SLC24A3: variants seen among roughly 807,000 people sequenced by gnomAD.
SLC24A3 encodes the protein solute carrier family 24 member 3, also known as sodium/potassium/calcium exchanger 3.
Under a neutral mutation model 75.8 loss-of-function variants are expected in SLC24A3, and 28 were observed. That is an observed-to-expected ratio of 0.37 (90% confidence interval 0.27 to 0.51). SLC24A3 has a LOEUF of 0.51. SLC24A3 is among the 20% of genes least tolerant of loss of function. SLC24A3 has a pLI of 0.94. For synonymous variants in SLC24A3, 372 were observed against 334.1 expected (o/e 1.11, Z -1.24); for missense variants, 663 against 847.8 (o/e 0.78, Z 2.71).
intron 2 of SLC24A3, among the ~76,000 whole-genome samples, chr20:19,350,838 G>T (rs1475803871): frequency 6.6e-6 from 1 of 152,168 alleles, no homozygotes; most frequent in African/African-American, 2.4e-5. Flanking sequence ...AGACCGTGCT[G>T]TTTCTCATCC....
intron 2 of SLC24A3, among the ~76,000 whole-genome samples, chr20:19,338,080 A>C (rs1985178794): frequency 6.6e-6 from 1 of 152,188 alleles, no homozygotes. Flanking sequence ...GGGAAGAAAA[A>C]AATGTTGTAA....
intron 2 of SLC24A3, among the ~76,000 whole-genome samples, chr20:19,300,485 G>A (rs951983211): frequency 6.6e-6 from 1 of 152,180 alleles, no homozygotes; most frequent in Non-Finnish European, 1.5e-5. Flanking sequence ...CTACCTAACT[G>A]AGGCTAGTCA....
chr20:19,378,483 C>G (rs181537584), intron 2 of SLC24A3, among the ~76,000 whole-genome samples: 362 of 152,236 alleles, frequency 2.4e-3, no homozygotes, highest in African/African-American at 8.3e-3. Flanking sequence ...GAATTGGGTC[C>G]ACATGGTTGG....
At chr20:19,712,296 G>T (rs866385684) in intron 15 of SLC24A3, among the ~76,000 whole-genome samples, 14 of 152,074 alleles carry the variant, frequency 9.2e-5, no homozygotes, top group African/African-American at 3.1e-4. Context: ...GGGACTGGAG[G>T]GGTGAGGGAA....
At chr20:19,646,841 CTGTGTGTGTGCGTG>C in intron 6 of SLC24A3, among the ~76,000 whole-genome samples, 1 of 144,686 alleles carries the variant, frequency 6.9e-6, no homozygotes, top group East Asian at 2.1e-4. Flanking sequence ...TTACAAAACT[CTGTGTGTGTGCGTG>C]TGTGTGTGTG....
chr20:19,546,629 G>A (rs142556857), intron 3 of SLC24A3, among the ~76,000 whole-genome samples: 34 of 152,304 alleles, frequency 2.2e-4, no homozygotes, highest in Admixed American at 6.5e-4. Flanking sequence ...GGGAAAGGGG[G>A]TGGGGGGCAG....
At chr20:19,263,033 T>TTGTGTGTGTG (rs11473481) in intron 1 of SLC24A3, among the ~76,000 whole-genome samples, 3,445 of 143,184 alleles carry the variant, frequency 0.024, 80 homozygotes, top group Non-Finnish European at 0.035. Flanking sequence ...ACTCCAGCCT[T>TTGTGTGTGTG]TGTGTGTGTG....
intron 2 of SLC24A3, among the ~76,000 whole-genome samples, chr20:19,372,250 A>G (rs566707626): frequency 6.6e-6 from 1 of 152,196 alleles, no homozygotes; most frequent in South Asian, 2.1e-4. Flanking sequence ...TTTGTTTGGA[A>G]TCTTCTAACT....
intron 3 of SLC24A3, among the ~76,000 whole-genome samples, chr20:19,552,395 G>A (rs972129372): frequency 3.4e-4 from 52 of 152,188 alleles, no homozygotes; most frequent in African/African-American, 1.2e-3. Context: ...ACCAGCAAAT[G>A]CATTCTGCTG....
chr20:19,519,800 T>C (rs962342138), intron 3 of SLC24A3, among the ~76,000 whole-genome samples: 24 of 152,346 alleles, frequency 1.6e-4, no homozygotes, highest in African/African-American at 5.5e-4. Flanking sequence ...ATTTTGCTCA[T>C]TATCCCCATG....
chr20:19,229,993 T>A lies in SLC24A3; in HGVS notation c.142+17009T>A, dbSNP rs116884214. Among the ~76,000 whole-genome samples, 26 of 152,272 alleles carry A rather than the reference T, an allele frequency of 1.7e-4. No homozygotes were observed. In the East Asian group the frequency reaches 4.8e-3, roughly 28 times the overall value. ...CATTTAGTGATTTTTCTTTCATATATCCTATGTTTATTTGATATTGAGATT... is the reference window on the plus strand; with the variant it reads ...CATTTAGTGATTTTTCTTTCATATAACCTATGTTTATTTGATATTGAGATT... On this transcript the variant is annotated intron_variant, in intron 1 of 16. Transcript: ENST00000328041.
intron 2 of SLC24A3, among the ~76,000 whole-genome samples, chr20:19,474,276 G>A (rs925740085): frequency 3.3e-5 from 5 of 152,156 alleles, no homozygotes; most frequent in Non-Finnish European, 7.3e-5. Flanking sequence ...GTGTCCCCCG[G>A]GGCTCCCCCA....
chr20:19,233,443 G>A (rs561354183), intron 1 of SLC24A3, among the ~76,000 whole-genome samples: 7 of 152,326 alleles, frequency 4.6e-5, no homozygotes, highest in South Asian at 4.1e-4. Flanking sequence ...TAAGTGTCCC[G>A]TGATGGCTCT....
chr20:19,656,465 G>A (rs1186371714), intron 7 of SLC24A3, among the ~76,000 whole-genome samples: 2 of 152,156 alleles, frequency 1.3e-5, no homozygotes, highest in South Asian at 2.1e-4. Flanking sequence ...GTTATTACCT[G>A]TGAAAAGGGT....
intron 6 of SLC24A3, among the ~76,000 whole-genome samples, chr20:19,599,918 C>G (rs2031503749): frequency 6.6e-6 from 1 of 152,148 alleles, no homozygotes; most frequent in African/African-American, 2.4e-5. Context: ...CCAGGAGATT[C>G]TTCTATGACC....
intron 2 of SLC24A3, among the ~76,000 whole-genome samples, chr20:19,367,916 A>G (rs6075505): frequency 0.58 from 87,674 of 152,032 alleles, 27,668 homozygotes; most frequent in African/African-American, 0.84. Context: ...TGAGTAACAG[A>G]CTCCATGTTT....
At chr20:19,284,950 C>T (rs192117034) in intron 2 of SLC24A3, among the ~76,000 whole-genome samples, 172 of 152,268 alleles carry the variant, frequency 1.1e-3, no homozygotes, top group Middle Eastern at 3.4e-3. Context: ...CCCCTTGACA[C>T]TCTCCCATTT....
At chr20:19,580,570 T>C (rs999139771) in intron 4 of SLC24A3, among the ~76,000 whole-genome samples, 2 of 152,186 alleles carry the variant, frequency 1.3e-5, no homozygotes, top group South Asian at 4.2e-4. Flanking sequence ...ATGAAAGAAT[T>C]GGCCACGGAG....
chr20:19,452,195 C>T lies in SLC24A3; in HGVS notation c.272-63293C>T, dbSNP rs138084748. Among the ~76,000 whole-genome samples the T allele has an allele frequency of 2.7e-3, 409 of 152,242 alleles. 4 individuals are homozygous for T. Among genetic ancestry groups the T allele is most frequent in the African/African-American group, 9.5e-3 (395 of 41,530 alleles). On this transcript the variant is annotated intron_variant, in intron 2 of 16. Transcript: ENST00000328041. ...AACATTTGAGAAGCCAAGAGGAAGACGTGGTATACTTTTTAAAGAACAGGG... is the reference window on the plus strand; with the variant it reads ...AACATTTGAGAAGCCAAGAGGAAGATGTGGTATACTTTTTAAAGAACAGGG...
Sources: gnomAD v4.1 joint callset for allele counts (sites outside exome capture counted in the v4.1 genomes callset) on GRCh38, gnomAD v4.1.1 for gene constraint, MANE v1.5 for transcripts, NCBI Gene and HGNC (gene_info 2026-07-23, HGNC 2026-07-21) for gene names.